TRIML2: variants seen among roughly 807,000 people sequenced by gnomAD.
TRIML2 encodes tripartite motif family like 2, also known as probable E3 ubiquitin-protein ligase TRIML2.
A neutral mutation model predicts 31.2 loss-of-function variants in TRIML2; 28 were observed. The observed-to-expected ratio is 0.90, with a 90% CI of 0.66 to 1.23. The LOEUF (loss-of-function observed/expected upper bound fraction) is 1.23, where lower values mean the gene tolerates loss of function less well. TRIML2 is among the 50% of genes most tolerant of loss of function. The pLI is 0.00. For synonymous variants in TRIML2, 187 were observed against 197.5 expected, an observed-to-expected ratio of 0.95 and a Z score of 0.45; for missense variants, 536 against 528.3, an observed-to-expected ratio of 1.01 and a Z score of -0.14.
intron 5 of TRIML2, chr4:188,098,273 C>G (rs1451674830): frequency 8.8e-6 from 4 of 455,114 alleles, no homozygotes; most frequent in African/African-American, 4.0e-5. Flanking sequence ...ATTTCAAGAT[C>G]AAGGCACTGG....
intron 6 of TRIML2, 73 bp downstream of exon 6, chr4:188,097,251 C>T: frequency 1.3e-6 from 2 of 1,596,154 alleles, no homozygotes; most frequent in Non-Finnish European, 8.6e-7. Context: ...CCAGCAAATG[C>T]AATCTCCCTA....
intron 4 of TRIML2, 42 bp from the exon 5 acceptor site, chr4:188,099,217 T>A (rs767009211): frequency 1.3e-6 from 2 of 1,553,168 alleles, no homozygotes; most frequent in South Asian, 2.4e-5. Context: ...AACCTCAAGT[T>A]CAGGAACAAG....
Position 188,091,799 on chromosome 4 carries a change from C to G in TRIML2, c.888G>C (p.Ala296=), listed in dbSNP as rs372977648. The G allele has an allele frequency of 5.6e-6, 9 of 1,614,012 alleles. No homozygotes were observed. Among genetic ancestry groups the G allele is most frequent in the African/African-American group, 1.3e-5 (1 of 74,898 alleles). Residue 296 remains alanine (A), a synonymous_variant, in exon 8 of 8, where the codon GCG becomes GCC. Transcript: ENST00000682553. ...AGTGCCTCCCTGAGGTGAAGCTCTC[C>G]GCAGCCAGCACCATGGCACTGAAAT... ...RLDFSAMVLA[A]ESFTSGRHYW... is the part of the protein sequence containing the mutation.
intron 3 of TRIML2, 22 bp from the exon 4 acceptor site, chr4:188,101,272 G>C (rs1403471819): frequency 6.5e-7 from 1 of 1,548,588 alleles, no homozygotes; most frequent in East Asian, 2.3e-5. Flanking sequence ...AGACATGATA[G>C]ACTTCAGGTT....
At position 188,096,461 on chromosome 4, in the gene TRIML2, G is replaced by C. The variant is rs539233832; in HGVS notation, c.745+600C>G. ...GCAGGAGAATCACTTGAACCCAGGA[G>C]GGGGAGGTTGCAGTGAGCCAAGATC... On this transcript the variant is annotated intron_variant, in intron 7 of 7. Transcript: ENST00000682553. Among the ~76,000 whole-genome samples the C allele has an allele frequency of 4.9e-3, 720 of 146,660 alleles. 5 individuals carry two copies. The highest frequency in any genetic ancestry group is 5.6e-3 in the Non-Finnish European group (372 of 67,002).
intron 7 of TRIML2, among the ~76,000 whole-genome samples, chr4:188,092,461 A>ACAAC (rs1733310410): frequency 6.7e-6 from 1 of 149,792 alleles, no homozygotes; most frequent in African/African-American, 2.5e-5. Context: ...ACTCCATCTC[A>ACAAC]AAACAAACAA....
intron 3 of TRIML2, among the ~76,000 whole-genome samples, chr4:188,102,997 C>T (rs1312746418): frequency 6.7e-6 from 1 of 148,182 alleles, no homozygotes; most frequent in Admixed American, 6.7e-5. Flanking sequence ...TCTGCTTTTA[C>T]TCTCTTGGTT....
intron 1 of TRIML2, among the ~76,000 whole-genome samples, chr4:188,107,477 C>T (rs534187155): frequency 6.6e-6 from 1 of 152,244 alleles, no homozygotes. Flanking sequence ...CCTGAAAAGG[C>T]ATATTCCCCA....
chr4:188,094,248 G>A (rs10031466), intron 7 of TRIML2, among the ~76,000 whole-genome samples: 86,298 of 151,970 alleles, frequency 0.57, 25,724 homozygotes, highest in East Asian at 0.92. Flanking sequence ...CACCACTTCT[G>A]TTCAACACAC....
At position 188,099,172 on chromosome 4, in the gene TRIML2, G is replaced by A. The variant is rs1199575451; in HGVS notation, c.484C>T (p.Leu162=). Reference sequence around the variant, plus strand: ...ATGTTCTCTCTCCCCACACGGCCCAGTCTCTGCAGAAGCATTTCTTCGTTA... The same window carrying A: ...ATGTTCTCTCTCCCCACACGGCCCAATCTCTGCAGAAGCATTTCTTCGTTA... ...EEMFQEMLQR[L]GRVGRENMEK... The change falls in exon 5 of 8, where the codon CTG becomes TTG. Residue 162 remains leucine, a synonymous_variant. Coordinates refer to ENST00000682553, the MANE Select transcript of TRIML2 (RefSeq NM_173553.4). 1 of 1,605,058 alleles carries A rather than the reference G, an allele frequency of 6.2e-7. No individual in the cohort carries two copies. Among genetic ancestry groups the A allele is most frequent in the East Asian group, 2.2e-5 (1 of 44,748 alleles).
At chr4:188,098,958 A>G in intron 5 of TRIML2, 77 bp downstream of exon 5, 1 of 1,498,230 alleles carries the variant, frequency 6.7e-7, no homozygotes, top group Non-Finnish European at 9.1e-7. Context: ...TCTGACAGCA[A>G]CCCCTAATGA....
chr4:188,091,619 G>C lies in TRIML2; in HGVS notation c.1068C>G (p.Pro356=). The change falls in exon 8 of 8, where the codon CCC becomes CCG. Residue 356 remains proline, a synonymous_variant. Transcript: ENST00000682553. ...MGTEWTLWVF[P]PLKRLFLEKK... ...TTTCCAGGAAGAGCCTTTTCAGAGG[G>C]GGGAAGACCCAGAGAGTCCACTCGG... 1.2e-6 allele frequency: 2 copies of C among 1,614,134 alleles called. No homozygotes were observed. The highest frequency in any genetic ancestry group is 4.5e-5 in the East Asian group (2 of 44,874).
chr4:188,100,337 G>A (rs1733718694), intron 4 of TRIML2, among the ~76,000 whole-genome samples: 1 of 152,098 alleles, frequency 6.6e-6, no homozygotes, highest in African/African-American at 2.4e-5. Flanking sequence ...ACAGCTAAAG[G>A]AACCAAGTCA....
Position 188,105,333 on chromosome 4 carries a change from G to T in TRIML2, c.36C>A (p.Asn12Lys), listed in dbSNP as rs1331008079. ...SKRLSPQLQH[N>K]ITEDAYCETH... Reference sequence around the variant, plus strand: ...TTTCACAATAGGCATCTTCTGTGATGTTGTGCTGTAACTGAGGGCTGAGCC... The same window carrying T: ...TTTCACAATAGGCATCTTCTGTGATTTTGTGCTGTAACTGAGGGCTGAGCC... Residue 12 changes from asparagine (N) to lysine (K), a missense_variant, in exon 2 of 8, where the codon AAC (asparagine) becomes AAA (lysine). By Grantham distance (94) the Asn-to-Lys change is moderately conservative. Transcript: ENST00000682553. 6.3e-7 allele frequency: 1 copy of T among 1,597,676 alleles called. No homozygotes were observed. Among genetic ancestry groups the T allele is most frequent in the East Asian group, 2.3e-5 (1 of 44,438 alleles).
chr4:188,098,375 T>G, intron 5 of TRIML2: 2 of 339,674 alleles, frequency 5.9e-6, no homozygotes, highest in South Asian at 4.4e-5. Context: ...CCTCGGCCTC[T>G]TTTATAAGAG....
chr4:188,096,399 G>A (rs540068535), intron 7 of TRIML2, among the ~76,000 whole-genome samples: 3 of 151,740 alleles, frequency 2.0e-5, no homozygotes, highest in African/African-American at 7.2e-5. Context: ...AGGTGTGGTG[G>A]TGCATGCCTG....
chr4:188,105,135 A>G, intron 2 of TRIML2, 45 bp downstream of exon 2: 1 of 1,573,832 alleles, frequency 6.4e-7, no homozygotes, highest in Admixed American at 1.7e-5. Context: ...TCATCCATAT[A>G]GGAGTTGGCC....
At chr4:188,093,375 G>GA in intron 7 of TRIML2, among the ~76,000 whole-genome samples, 1 of 152,218 alleles carries the variant, frequency 6.6e-6, no homozygotes, top group Admixed American at 6.5e-5. Flanking sequence ...ATTATCTCTG[G>GA]AAAAACGCAC....
Position 188,104,851 on chromosome 4 carries a change from T to A in TRIML2, c.271A>T (p.Met91Leu), listed in dbSNP as rs139269288. 1.7e-5 allele frequency: 28 copies of A among 1,613,950 alleles called. No individual in the cohort carries two copies. In the African/African-American group the frequency reaches 3.7e-4, roughly 22 times the overall value. Reference sequence around the variant, plus strand: ...CACTCACTGACCTGAATCATCGCCATTCTTTCTTGCTCATCAGTCAATATG... The same window carrying A: ...CACTCACTGACCTGAATCATCGCCAATCTTTCTTGCTCATCAGTCAATATG... ...KSILTDEQERMAMIQEEEQNF... is the reference protein window; with the variant it reads ...KSILTDEQERLAMIQEEEQNF... Residue 91 changes from methionine (M) to leucine (L), a missense_variant, in exon 3 of 8, where the codon ATG (methionine) becomes TTG (leucine). Coordinates refer to ENST00000682553, the MANE Select transcript of TRIML2 (RefSeq NM_173553.4).
Sources: gnomAD v4.1 joint callset for allele counts (sites outside exome capture counted in the v4.1 genomes callset) on GRCh38, gnomAD v4.1.1 for gene constraint, MANE v1.5 for transcripts, NCBI Gene and HGNC (gene_info 2026-07-23, HGNC 2026-07-21) for gene names.